TOP3B: variants seen among roughly 807,000 people sequenced by gnomAD.
TOP3B encodes the protein DNA topoisomerase 3-beta-1.
Under a neutral mutation model 93.9 loss-of-function variants are expected in TOP3B, and 45 were observed. The ratio of observed to expected loss-of-function variants is 0.48; its 90% CI spans 0.38 to 0.61. The LOEUF is 0.61. TOP3B is among the 20% of genes least tolerant of loss of function. The pLI is 0.00. For synonymous variants in TOP3B, 357 were observed against 472.6 expected, an observed-to-expected ratio of 0.76 and a Z score of 3.17; for missense variants, 750 against 1,156.1, an observed-to-expected ratio of 0.65 and a Z score of 5.09.
intron 1 of TOP3B, among the ~76,000 whole-genome samples, chr22:21,979,679 C>G (rs185364824): frequency 1.3e-5 from 2 of 151,990 alleles, no homozygotes; most frequent in Admixed American, 6.5e-5. Flanking sequence ...CGGTGGCTCA[C>G]GCCTGTAATC....
Position 21,971,850 on chromosome 22 carries a change from G to T in TOP3B, c.384+27C>A. On this transcript the variant is annotated intron_variant, in intron 5 of 17. Transcript: ENST00000357179. This position sits in a 1 kb window ranked among gnomAD's most constrained non-coding sequence, Gnocchi z 4.6. The stretch of plus-strand genomic sequence containing the variant: ...GGCTGGTGTCAGAAAGGCCAAAAGT[G>T]AGGAACAAAGTGAGCCTCACACTCA... 6.2e-7 allele frequency: 1 copy of T among 1,612,390 alleles called. No homozygotes were observed. Among genetic ancestry groups the T allele is most frequent in the Non-Finnish European group, 8.5e-7 (1 of 1,178,470 alleles).
chr22:21,970,201 G>A lies in TOP3B; in HGVS notation c.581+9C>T, dbSNP rs2071579759. The A allele has an allele frequency of 6.2e-7, 1 of 1,608,680 alleles. No homozygotes were observed. The highest frequency in any genetic ancestry group is 1.1e-5 in the South Asian group (1 of 91,034). ...GGTGTGCCCAGGACTCTGCGGGTGT[G>A]GCCAGCACCTGGTGAATGCACAGCC... On this transcript the variant is annotated intron_variant, in intron 6 of 17. Transcript: ENST00000357179. The surrounding 1 kb of genome is among the most constrained non-coding windows in gnomAD (Gnocchi z 4.4).
At chr22:21,962,988 T>A in intron 11 of TOP3B, 95 bp from the exon 12 acceptor site, 1 of 1,469,118 alleles carries the variant, frequency 6.8e-7, no homozygotes, top group Non-Finnish European at 9.4e-7. Context: ...AGCTCCTGCT[T>A]ACAGAGCCGC....
chr22:21,971,051 T>C lies in TOP3B; in HGVS notation c.385-645A>G. Reference sequence around the variant, plus strand: ...ACGCAGCTTCCTTACTGGGAATAAGTGGCTTCATTTCTGAAGGGAGAAAGC... The same window carrying C: ...ACGCAGCTTCCTTACTGGGAATAAGCGGCTTCATTTCTGAAGGGAGAAAGC... On this transcript the variant is annotated intron_variant, in intron 5 of 17. Transcript: ENST00000357179. This position sits in a 1 kb window ranked among gnomAD's most constrained non-coding sequence, Gnocchi z 4.6. 2.3e-6 allele frequency: 3 copies of C among 1,302,842 alleles called. No homozygotes were observed. Among genetic ancestry groups the C allele is most frequent in the Non-Finnish European group, 3.0e-6 (3 of 988,080 alleles). 80.7% of individuals were successfully genotyped at this position (1,302,842 alleles called of 1,614,324 possible).
chr22:21,973,695 C>T (rs1269661001), intron 3 of TOP3B: 1 of 152,192 alleles, frequency 6.6e-6, no homozygotes, highest in Non-Finnish European at 1.5e-5. Context: ...GCAGCAAGAA[C>T]AAGGGCTGAG....
At chr22:21,958,886 C>T in intron 16 of TOP3B, 193 bp from the exon 17 acceptor site, 1 of 1,082,140 alleles carries the variant, frequency 9.2e-7, no homozygotes, top group Non-Finnish European at 1.3e-6. Context: ...TCTGTGTGTA[C>T]ATTAATGCCC....
intron 17 of TOP3B, 142 bp downstream of exon 17, chr22:21,958,350 A>G: frequency 6.7e-7 from 1 of 1,500,960 alleles, no homozygotes; most frequent in Non-Finnish European, 8.9e-7. Flanking sequence ...AGCTACATCC[A>G]GGGTCTCTCG....
At chr22:21,979,355 G>C (rs950896017) in intron 1 of TOP3B, among the ~76,000 whole-genome samples, 1 of 151,990 alleles carries the variant, frequency 6.6e-6, no homozygotes, top group African/African-American at 2.4e-5. Flanking sequence ...AATTACAGAG[G>C]GGCCTGGGTG....
At chr22:21,960,109 A>G (rs2071103190) in intron 14 of TOP3B, 1 of 745,234 alleles carries the variant, frequency 1.3e-6, no homozygotes, top group Non-Finnish European at 2.2e-6. Flanking sequence ...TCCCTCACAC[A>G]TCTGTTCAGC....
intron 17 of TOP3B, chr22:21,957,982 C>T (rs1335800524): frequency 8.1e-6 from 11 of 1,364,642 alleles, no homozygotes; most frequent in Non-Finnish European, 1.1e-5. Context: ...ACTCCCGGGG[C>T]AGCCTGGGTG....
intron 3 of TOP3B, chr22:21,973,012 G>C (rs1321793854): frequency 2.4e-6 from 1 of 424,166 alleles, no homozygotes; most frequent in Non-Finnish European, 4.4e-6. Context: ...CTCACTTCCG[G>C]GACTTTCCCT....
chr22:21,976,761 C>A (rs1225941188), intron 1 of TOP3B: 1 of 152,142 alleles, frequency 6.6e-6, no homozygotes, highest in Non-Finnish European at 1.5e-5. Flanking sequence ...TACCTGCTAG[C>A]CAAGTAAAAG....
chr22:21,982,585 C>T (rs550389066), intron 1 of TOP3B, 145 bp downstream of exon 1: 19 of 152,418 alleles, frequency 1.2e-4, no homozygotes, highest in Admixed American at 1.2e-3. Context: ...AGGGAAGAGG[C>T]AACAAGAATG....
chr22:21,981,253 G>A lies in TOP3B; in HGVS notation c.-99+1477C>T, dbSNP rs1222410453. On this transcript the variant is annotated intron_variant, in intron 1 of 17. Transcript: ENST00000357179. The stretch of plus-strand genomic sequence containing the variant: ...GCATCCTAGGCAGGGATGCTAATAG[G>A]TGCTGCCATTTTATTGGCCTAGACT... Among the ~76,000 whole-genome samples the A allele has an allele frequency of 2.0e-5, 3 of 152,170 alleles. No homozygotes were observed. The South Asian group carries it at 6.2e-4, about 32-fold the overall frequency.
intron 16 of TOP3B, 139 bp downstream of exon 16, chr22:21,958,993 T>G: frequency 7.6e-7 from 1 of 1,319,228 alleles, no homozygotes; most frequent in Non-Finnish European, 1.0e-6. Flanking sequence ...ACACTGGGTA[T>G]TTTTTGGCAA....
chr22:21,958,520 G>A lies in TOP3B; in HGVS notation c.2079C>T (p.Asn693=). ...TCTTCATGTCTCGGAAGGGTGGGTG[G>A]TTGTAGCAGTAGGGGCACAGCGGGT... ...KSYPLCPYCY[N]HPPFRDMKKG... is the part of the protein sequence containing the mutation. Residue 693 remains asparagine, a synonymous_variant, in exon 17 of 18, where the codon AAC becomes AAT. Transcript: ENST00000357179. The A allele has an allele frequency of 1.2e-6, 2 of 1,614,078 alleles. No homozygotes were observed. The highest frequency in any genetic ancestry group is 2.2e-5 in the South Asian group (2 of 91,078).
chr22:21,958,683 C>A lies in TOP3B; in HGVS notation c.1916G>T (p.Ser639Ile), dbSNP rs751484981. 5 of 1,599,234 alleles carry A rather than the reference C, an allele frequency of 3.1e-6. No homozygotes were observed. The South Asian group carries it at 5.5e-5, about 18-fold the overall frequency. The change falls in exon 17 of 18, where the codon AGC (serine) becomes ATC (isoleucine). Residue 639 changes from serine to isoleucine, a missense_variant. By Grantham distance (142) the Ser-to-Ile change is moderately radical (BLOSUM62 -2). This residue lies in a region of TOP3B where 737 missense variants were observed against 933.7 expected (regional missense o/e 0.79). Coordinates refer to ENST00000357179, the MANE Select transcript of TOP3B (RefSeq NM_001282112.2). Reference sequence around the variant, plus strand: ...ATCGCAGTGGGAGCAGTGCAGGCGGCTTGGCTTGGCCTGCGGCAATGCCAG... The same window carrying A: ...ATCGCAGTGGGAGCAGTGCAGGCGGATTGGCTTGGCCTGCGGCAATGCCAG... ...RFMKYIQAKPSRLHCSHCDET... is the reference protein window; with the variant it reads ...RFMKYIQAKPIRLHCSHCDET...
Position 21,959,240 on chromosome 22 carries a change from C to G in TOP3B, c.1805-8G>C, listed in dbSNP as rs755128043. The stretch of plus-strand genomic sequence containing the variant: ...CCATCAACTCATCCATGCCTGCGGG[C>G]AAGCAGAGTGCAGGAGTCATCTCCC... On this transcript the variant is annotated splice_region_variant and splice_polypyrimidine_tract_variant and intron_variant, in intron 15 of 17. Transcript: ENST00000357179. 1 of 1,611,704 alleles carries G rather than the reference C, an allele frequency of 6.2e-7. No homozygotes were observed. The highest frequency in any genetic ancestry group is 8.5e-7 in the Non-Finnish European group (1 of 1,179,932).
chr22:21,964,178 G>A lies in TOP3B; in HGVS notation c.1081C>T (p.Pro361Ser), dbSNP rs2071319276. The A allele has an allele frequency of 6.2e-7, 1 of 1,614,130 alleles. No individual in the cohort carries two copies. The highest frequency in any genetic ancestry group is 8.5e-7 in the Non-Finnish European group (1 of 1,180,030). Residue 361 changes from proline to serine, a missense_variant, in exon 10 of 18, where the codon CCC (proline) becomes TCC (serine). This residue lies in a region of TOP3B where 737 missense variants were observed against 933.7 expected (regional missense o/e 0.79). Coordinates refer to ENST00000357179, the MANE Select transcript of TOP3B (RefSeq NM_001282112.2). ...KGSLRQQANH[P>S]YWADTVKRLL... ...CCACTCACCGTGTCGGCCCAGTAGG[G>A]GTGGTTGGCCTGCTGCCGCAGAGAG... is the stretch of plus-strand genomic sequence containing the variant.
Sources: allele counts gnomAD v4.1 joint callset (sites outside exome capture counted in the v4.1 genomes callset), GRCh38; gene constraint gnomAD v4.1.1; regional missense constraint gnomAD v4.1.1; non-coding constraint Gnocchi (gnomAD v3.1); transcripts MANE v1.5; gene names NCBI Gene and HGNC (gene_info 2026-07-23, HGNC 2026-07-21).